WWOX: variants seen among roughly 807,000 people sequenced by gnomAD.
WWOX encodes the protein WW domain-containing oxidoreductase.
Under a neutral mutation model 46.2 loss-of-function variants are expected in WWOX, and 69 were observed. The observed-to-expected ratio is 1.49, with a 90% CI of 1.23 to 1.82. The LOEUF is 1.82. WWOX is among the 40% of genes most tolerant of loss of function. The pLI, the probability that WWOX is intolerant of heterozygous loss-of-function variation, is 0.00. For missense variants in WWOX, 919 were observed against 542.6 expected, an observed-to-expected ratio of 1.69 and a Z score of -6.89; for synonymous variants, 359 against 202.6, an observed-to-expected ratio of 1.77 and a Z score of -6.56.
chr16:78,888,076 ATTTC>A (rs2044505705), intron 8 of WWOX, among the ~76,000 whole-genome samples: 1 of 152,192 alleles, frequency 6.6e-6, no homozygotes, highest in South Asian at 2.1e-4. Flanking sequence ...TGAATATTTT[ATTTC>A]TTAATGAATC....
chr16:78,546,807 C>G (rs2044044087), intron 8 of WWOX, among the ~76,000 whole-genome samples: 1 of 152,030 alleles, frequency 6.6e-6, no homozygotes. Flanking sequence ...CCTAGAAAAC[C>G]TGGGCACAAC....
At chr16:78,234,605 T>A (rs2037377648) in intron 5 of WWOX, among the ~76,000 whole-genome samples, 1 of 152,210 alleles carries the variant, frequency 6.6e-6, no homozygotes, top group Admixed American at 6.5e-5. Flanking sequence ...AATAAGGTAT[T>A]TTTGAATTTG....
chr16:78,219,035 T>C (rs1476163923), intron 5 of WWOX, among the ~76,000 whole-genome samples: 2 of 152,234 alleles, frequency 1.3e-5, no homozygotes, highest in Non-Finnish European at 2.9e-5. Context: ...ACTAAAGTCA[T>C]GTGCAATTTA....
At chr16:78,692,527 C>A (rs533942783) in intron 8 of WWOX, among the ~76,000 whole-genome samples, 3 of 152,152 alleles carry the variant, frequency 2.0e-5, no homozygotes, top group African/African-American at 7.2e-5. Context: ...GGTTCTAAGA[C>A]GTCCAAGGAG....
At chr16:79,125,298 T>G (rs1436255647) in intron 8 of WWOX, among the ~76,000 whole-genome samples, 1 of 152,176 alleles carries the variant, frequency 6.6e-6, no homozygotes, top group Non-Finnish European at 1.5e-5. Flanking sequence ...ACCTCCGTAA[T>G]TGTCTTGTTG....
At chr16:78,150,396 G>T (rs534752512) in intron 4 of WWOX, among the ~76,000 whole-genome samples, 5 of 152,146 alleles carry the variant, frequency 3.3e-5, no homozygotes, top group Non-Finnish European at 7.4e-5. Flanking sequence ...TTTGAGATAG[G>T]GTCTCGCTCT....
intron 6 of WWOX, among the ~76,000 whole-genome samples, chr16:78,418,296 G>A (rs992562425): frequency 1.3e-5 from 2 of 151,898 alleles, no homozygotes; most frequent in Non-Finnish European, 2.9e-5. Flanking sequence ...CCCGGGAGGT[G>A]GAGCTTGCAG....
chr16:78,608,102 G>T (rs1046432451), intron 8 of WWOX, among the ~76,000 whole-genome samples: 3 of 152,160 alleles, frequency 2.0e-5, no homozygotes, highest in Non-Finnish European at 4.4e-5. Flanking sequence ...GATATGATGT[G>T]ATGTGGCTTT....
intron 8 of WWOX, among the ~76,000 whole-genome samples, chr16:79,162,828 C>G (rs752385758): frequency 1.3e-5 from 2 of 152,128 alleles, no homozygotes; most frequent in Admixed American, 6.5e-5. Context: ...CTTCCCCAAC[C>G]TTCTGCAAAC....
At chr16:79,175,265 C>A (rs1169315501) in intron 8 of WWOX, among the ~76,000 whole-genome samples, 1 of 152,216 alleles carries the variant, frequency 6.6e-6, no homozygotes, top group Non-Finnish European at 1.5e-5. Flanking sequence ...TGTTACAGAT[C>A]AGTTTGAAAT....
intron 8 of WWOX, among the ~76,000 whole-genome samples, chr16:78,682,053 A>T (rs1190999262): frequency 1.3e-5 from 2 of 152,226 alleles, no homozygotes; most frequent in Non-Finnish European, 2.9e-5. Context: ...CATGCTCCAA[A>T]TGACTGTGAC....
intron 8 of WWOX, among the ~76,000 whole-genome samples, chr16:78,819,883 T>G (rs1436126145): frequency 6.6e-6 from 1 of 152,230 alleles, no homozygotes; most frequent in Non-Finnish European, 1.5e-5. Flanking sequence ...AGACTTGAAC[T>G]CGATTCTGAG....
chr16:78,711,514 T>C (rs1185486993), intron 8 of WWOX, among the ~76,000 whole-genome samples: 1 of 152,188 alleles, frequency 6.6e-6, no homozygotes, highest in Non-Finnish European at 1.5e-5. Flanking sequence ...ACAGCTGTTC[T>C]AGAATAATAG....
intron 8 of WWOX, among the ~76,000 whole-genome samples, chr16:78,867,484 TTGTGTGTGTGTGTGTG>T (rs4035599): frequency 7.4e-5 from 11 of 148,886 alleles, no homozygotes; most frequent in Non-Finnish European, 1.2e-4. Context: ...TTAAATGATT[TTGTGTGTGTGTGTGTG>T]TGTGTGTGTG....
intron 5 of WWOX, among the ~76,000 whole-genome samples, chr16:78,266,777 C>T (rs1185357468): frequency 1.0e-5 from 1 of 95,594 alleles, no homozygotes; most frequent in Non-Finnish European, 2.3e-5. Flanking sequence ...AATGCAAGTT[C>T]TATTCTTCTA....
intron 5 of WWOX, among the ~76,000 whole-genome samples, chr16:78,247,510 T>G (rs995533740): frequency 6.6e-6 from 1 of 152,120 alleles, no homozygotes; most frequent in Non-Finnish European, 1.5e-5. Context: ...AGGTAACACA[T>G]GAATGCAGCT....
intron 4 of WWOX, among the ~76,000 whole-genome samples, chr16:78,144,488 C>CACACATATATATATATATATATAT (rs1567596485): frequency 4.1e-3 from 28 of 6,786 alleles, no homozygotes; most frequent in South Asian, 6.0e-3. Context: ...TATATATATA[C>CACACATATATATATATATATATAT]ACACACACAC....
At chr16:78,425,253 A>C (rs1031777710) in intron 7 of WWOX, among the ~76,000 whole-genome samples, 198 bp downstream of exon 7, 2 of 152,080 alleles carry the variant, frequency 1.3e-5, no homozygotes, top group South Asian at 2.1e-4. Flanking sequence ...GACTTTCTAG[A>C]GCAAGGAAGA....
chr16:78,555,204 G>C (rs35737124), intron 8 of WWOX, among the ~76,000 whole-genome samples: 1 of 143,896 alleles, frequency 6.9e-6, no homozygotes, highest in Non-Finnish European at 1.5e-5. Context: ...TAGTTTCTCA[G>C]AATCCTCATT....
Sources: allele counts gnomAD v4.1 joint callset (sites outside exome capture counted in the v4.1 genomes callset), GRCh38; gene constraint gnomAD v4.1.1; transcripts MANE v1.5; gene names NCBI Gene and HGNC (gene_info 2026-07-23, HGNC 2026-07-21).